EYS: variants seen among roughly 807,000 people sequenced by gnomAD.
The protein encoded by EYS is EGF-like photoreceptor maintenance factor, also known as protein eyes shut homolog.
In EYS, 250 loss-of-function variants were observed where a neutral mutation model predicts 282.1. The ratio of observed to expected loss-of-function variants is 0.89; its 90% confidence interval spans 0.80 to 0.98. The LOEUF is 0.98. EYS is among the 50% of genes least tolerant of loss of function. The probability of loss-of-function intolerance (pLI) is 0.00; values close to 1 mark genes in which losing one functional copy is unlikely to be tolerated. For missense variants in EYS, 4,016 were observed against 3,709.0 expected, an observed-to-expected ratio of 1.08 and a Z score of -2.15; for synonymous variants, 1,355 against 1,282.9, an observed-to-expected ratio of 1.06 and a Z score of -1.20.
chr6:63,828,802 A>T (rs1771543731), intron 36 of EYS, among the ~76,000 whole-genome samples: 1 of 152,278 alleles, frequency 6.6e-6, no homozygotes, highest in East Asian at 1.9e-4. Context: ...AACAAATTTT[A>T]AAAAGTAGAT....
intron 1 of EYS, among the ~76,000 whole-genome samples, chr6:65,668,295 CCTGA>C (rs1451353983): frequency 2.6e-5 from 4 of 151,832 alleles, no homozygotes; most frequent in Admixed American, 6.6e-5. Flanking sequence ...AAAGTGAAAG[CCTGA>C]CTGTTTTTTA....
chr6:64,158,409 C>T (rs79762183), intron 31 of EYS, among the ~76,000 whole-genome samples: 1 of 152,070 alleles, frequency 6.6e-6, no homozygotes, highest in Non-Finnish European at 1.5e-5. Flanking sequence ...GAAAAAAAAC[C>T]TACAAAGAAA....
chr6:65,482,633 A>G (rs552013429), intron 5 of EYS, among the ~76,000 whole-genome samples: 1 of 152,332 alleles, frequency 6.6e-6, no homozygotes, highest in East Asian at 1.9e-4. Context: ...TGTACTTTAC[A>G]TTGGAAAATA....
intron 26 of EYS, among the ~76,000 whole-genome samples, chr6:64,455,686 T>C (rs1263114276): frequency 2.6e-5 from 4 of 152,142 alleles, no homozygotes; most frequent in Admixed American, 6.6e-5. Context: ...ATCCCACTTA[T>C]GAGTGAGAAC....
intron 31 of EYS, among the ~76,000 whole-genome samples, chr6:64,143,481 T>C (rs1398505894): frequency 6.6e-6 from 1 of 152,144 alleles, no homozygotes; most frequent in Non-Finnish European, 1.5e-5. Flanking sequence ...CATTCAATTT[T>C]TCTGTAACCT....
At chr6:63,916,764 A>T (rs1414866538) in intron 35 of EYS, among the ~76,000 whole-genome samples, 1 of 152,114 alleles carries the variant, frequency 6.6e-6, no homozygotes, top group African/African-American at 2.4e-5. Flanking sequence ...GTTATGTCCG[A>T]TTTGCTGTTG....
chr6:65,558,410 G>A (rs1338759547), intron 2 of EYS, among the ~76,000 whole-genome samples: 1 of 152,214 alleles, frequency 6.6e-6, no homozygotes, highest in African/African-American at 2.4e-5. Flanking sequence ...GTGCGGAGAG[G>A]CCAGAGACCA....
chr6:64,033,037 T>C (rs1258867831), intron 33 of EYS, among the ~76,000 whole-genome samples: 1 of 152,196 alleles, frequency 6.6e-6, no homozygotes. Context: ...AGACCAAACA[T>C]TGTAACAGAA....
At chr6:65,064,230 A>AT (rs1491353579) in intron 12 of EYS, among the ~76,000 whole-genome samples, 2 of 140,008 alleles carry the variant, frequency 1.4e-5, no homozygotes, top group Non-Finnish European at 3.0e-5. Flanking sequence ...TATATGTATG[A>AT]TATATATATG....
At chr6:64,795,201 C>A (rs1774317370) in intron 22 of EYS, among the ~76,000 whole-genome samples, 1 of 149,848 alleles carries the variant, frequency 6.7e-6, no homozygotes, top group Non-Finnish European at 1.5e-5. Context: ...CATCATTGCA[C>A]TCCAGCATGG....
At chr6:64,678,439 A>G (rs1224238146) in intron 22 of EYS, among the ~76,000 whole-genome samples, 2 of 151,842 alleles carry the variant, frequency 1.3e-5, no homozygotes, top group East Asian at 2.0e-4. Flanking sequence ...TTAGCTGGGC[A>G]TGGTGGCACG....
At chr6:64,018,076 C>G (rs186336604) in intron 33 of EYS, among the ~76,000 whole-genome samples, 1 of 152,184 alleles carries the variant, frequency 6.6e-6, no homozygotes, top group East Asian at 1.9e-4. Context: ...TTTATTCCTA[C>G]TTAGTCCTGA....
intron 13 of EYS, among the ~76,000 whole-genome samples, chr6:65,051,910 T>C (rs1049430470): frequency 2.6e-5 from 4 of 151,582 alleles, no homozygotes; most frequent in African/African-American, 7.2e-5. Flanking sequence ...TTGAGTATTG[T>C]GGTCTTTTCT....
At chr6:64,139,994 T>G (rs1774288962) in intron 31 of EYS, among the ~76,000 whole-genome samples, 1 of 150,422 alleles carries the variant, frequency 6.6e-6, no homozygotes, top group Non-Finnish European at 1.5e-5. Context: ...AATAAATAAA[T>G]AAATAAATAA....
At chr6:65,226,743 T>A (rs1766636466) in intron 12 of EYS, among the ~76,000 whole-genome samples, 1 of 152,186 alleles carries the variant, frequency 6.6e-6, no homozygotes, top group Admixed American at 6.5e-5. Context: ...ATAGAATTAC[T>A]GTATGACCCA....
At chr6:65,302,969 C>T (rs757431113) in intron 11 of EYS, 3 of 1,586,452 alleles carry the variant, frequency 1.9e-6, no homozygotes, top group Non-Finnish European at 2.6e-6. Context: ...TGTTCCTAGC[C>T]CCAAGCATCC....
chr6:65,147,598 T>C (rs953621724), intron 12 of EYS, among the ~76,000 whole-genome samples: 8 of 152,060 alleles, frequency 5.3e-5, no homozygotes, highest in Admixed American at 3.9e-4. Flanking sequence ...GATATTAATG[T>C]TGTCACTCCT....
intron 2 of EYS, among the ~76,000 whole-genome samples, chr6:65,571,810 C>G (rs1582470001): frequency 6.6e-6 from 1 of 151,852 alleles, no homozygotes; most frequent in Non-Finnish European, 1.5e-5. Flanking sequence ...TAAAGAAGAT[C>G]CAAATCAATG....
chr6:65,363,138 A>C (rs956975148), intron 8 of EYS, among the ~76,000 whole-genome samples: 3 of 80,522 alleles, frequency 3.7e-5, no homozygotes, highest in African/African-American at 1.4e-4. Flanking sequence ...GAATGTGATC[A>C]TCAGGGCTAC....
Sources: gnomAD v4.1 joint callset for allele counts (sites outside exome capture counted in the v4.1 genomes callset) on GRCh38, gnomAD v4.1.1 for gene constraint, MANE v1.5 for transcripts, NCBI Gene and HGNC (gene_info 2026-07-23, HGNC 2026-07-21) for gene names.